The following MAPKBP1 variants were observed in gnomAD, a reference collection of about 807,000 sequenced individuals.
MAPKBP1 encodes mitogen-activated protein kinase binding protein 1.
MAPKBP1 carries 71 observed loss-of-function variants against 170.5 expected under a neutral mutation model. That is an observed-to-expected ratio of 0.42 (90% CI 0.34 to 0.51). The LOEUF (loss-of-function observed/expected upper bound fraction) is 0.51. MAPKBP1 is among the 20% of genes least tolerant of loss of function. MAPKBP1 has a pLI of 0.06. For missense variants in MAPKBP1, 1,598 were observed against 1,933.0 expected (o/e 0.83, Z 3.25); for synonymous variants, 719 against 757.9 (o/e 0.95, Z 0.84).
Position 41,815,389 on chromosome 15 carries a change from G to A in MAPKBP1, c.1301G>A (p.Arg434Gln), listed in dbSNP as rs1046428790. The A allele has an allele frequency of 6.8e-6, 11 of 1,614,066 alleles. No individual in the cohort carries two copies. The highest frequency in any genetic ancestry group is 6.7e-5 in the Admixed American group (4 of 60,006). Residue 434 changes from arginine to glutamine, a missense_variant, in exon 11 of 31, where the codon CGA becomes CAA. Arg to Gln is a conservative substitution (Grantham distance 43). Transcript: ENST00000457542. ...GGGGTGCATGGCTCCACCCTCCACCGAAACATCCTCAGCAGTGTGAGCCCT... is the reference window on the plus strand; with the variant it reads ...GGGGTGCATGGCTCCACCCTCCACCAAAACATCCTCAGCAGTGTGAGCCCT... ...SSGVHGSTLH[R>Q]NILSSDLIKI...
chr15:41,775,949 T>C (rs1457627578), intron 2 of MAPKBP1, among the ~76,000 whole-genome samples: 1 of 152,256 alleles, frequency 6.6e-6, no homozygotes, highest in Non-Finnish European at 1.5e-5. Context: ...AAGCCAGATA[T>C]CTGTCAGCAA....
rs746650946 is a variant in MAPKBP1, at chr15:41,817,710, A to G, written c.1879A>G (p.Ile627Val). The change falls in exon 16 of 31, where the codon ATC becomes GTC. Residue 627 changes from isoleucine (I) to valine (V), a missense_variant. Transcript: ENST00000457542. The surrounding 1 kb of genome is among the most constrained non-coding windows in gnomAD (Gnocchi z 4.2). ...DVEPSWKYTA[I>V]GCQDRNIRIF... ...GGAGCCCAGCTGGAAGTACACGGCT[A>G]TCGGCTGCCAGGACCGAAATATTCG... 54 of 1,613,960 alleles carry G rather than the reference A, an allele frequency of 3.3e-5. 1 individual carries two copies. Among genetic ancestry groups the G allele is most frequent in the South Asian group, 9.9e-5 (9 of 91,080 alleles).
Position 41,816,550 on chromosome 15 carries a change from T to C in MAPKBP1, c.1494-9T>C. 3.1e-6 allele frequency: 5 copies of C among 1,611,226 alleles called. No homozygotes were observed. The highest frequency in any genetic ancestry group is 3.4e-6 in the Non-Finnish European group (4 of 1,177,406). ...CATGGCCTCTTCCCACCTCTCCTCATCTTTGCAGGGTGCACGAACTTCAGT... is the reference window on the plus strand; with the variant it reads ...CATGGCCTCTTCCCACCTCTCCTCACCTTTGCAGGGTGCACGAACTTCAGT... On this transcript the variant is annotated splice_polypyrimidine_tract_variant and intron_variant, in intron 12 of 30. Coordinates refer to ENST00000457542, the MANE Select transcript of MAPKBP1 (RefSeq NM_014994.3).
chr15:41,813,199 A>G, intron 8 of MAPKBP1, 98 bp downstream of exon 8: 3 of 1,531,418 alleles, frequency 2.0e-6, no homozygotes, highest in Middle Eastern at 1.7e-4. Context: ...TCCCTTGTGC[A>G]TACGGGAGAT....
intron 10 of MAPKBP1, 38 bp downstream of exon 10, chr15:41,814,777 T>C: frequency 3.7e-6 from 6 of 1,606,892 alleles, no homozygotes; most frequent in Non-Finnish European, 5.1e-6. Flanking sequence ...ACTGGCCAGG[T>C]TGGCTGGGAT....
At position 41,825,323 on chromosome 15, in the gene MAPKBP1, A is replaced by C. The variant is rs1445098177; in HGVS notation, c.4414A>C (p.Ser1472Arg). The C allele has an allele frequency of 1.9e-6, 3 of 1,613,270 alleles. No individual in the cohort carries two copies. In the African/African-American group the frequency reaches 4.0e-5, roughly 21 times the overall value. ...LEAVAGAVLS[S>R]PGSSPGAVGA... ...AGCTGTGGCTGGGGCAGTGCTGTCC[A>C]GCCCAGGCAGCAGCCCTGGGGCTGT... Residue 1472 changes from serine (S) to arginine (R), a missense_variant, in exon 31 of 31, where the codon AGC becomes CGC. Physicochemically the swap from Ser to Arg is moderately radical, Grantham distance 110. This residue lies in a region of MAPKBP1 where 942 missense variants were observed against 953.2 expected (regional missense o/e 0.99). Transcript: ENST00000457542.
At chr15:41,783,775 C>A (rs1596063204) in intron 2 of MAPKBP1, among the ~76,000 whole-genome samples, 1 of 152,026 alleles carries the variant, frequency 6.6e-6, no homozygotes, top group African/African-American at 2.4e-5. Context: ...TTTGGGAGGC[C>A]GAGGCGGGTG....
chr15:41,822,338 C>G lies in MAPKBP1; in HGVS notation c.3145C>G (p.Leu1049Val). Residue 1049 changes from leucine (L) to valine (V), a missense_variant, in exon 26 of 31, where the codon CTA becomes GTA. This residue lies in a region of MAPKBP1 where 942 missense variants were observed against 953.2 expected (regional missense o/e 0.99). Transcript: ENST00000457542. ...GGAGGGAGGCATGGGCCCCTATGGGCTACAGGAGGGCAGCCCCCAGACTCC... is the reference window on the plus strand; with the variant it reads ...GGAGGGAGGCATGGGCCCCTATGGGGTACAGGAGGGCAGCCCCCAGACTCC... ...EEEGGMGPYGLQEGSPQTPDQ... is the reference protein window; with the variant it reads ...EEEGGMGPYGVQEGSPQTPDQ... 6.2e-7 allele frequency: 1 copy of G among 1,614,074 alleles called. No individual in the cohort carries two copies. The highest frequency in any genetic ancestry group is 8.5e-7 in the Non-Finnish European group (1 of 1,180,006).
Position 41,817,706 on chromosome 15 carries a change from G to A in MAPKBP1, c.1875G>A (p.Thr625=), listed in dbSNP as rs775194658. Residue 625 remains threonine (T), a synonymous_variant, in exon 16 of 31, where the codon ACG becomes ACA. Transcript: ENST00000457542. This position sits in a 1 kb window ranked among gnomAD's most constrained non-coding sequence, Gnocchi z 4.2. Reference sequence around the variant, plus strand: ...ATGTGGAGCCCAGCTGGAAGTACACGGCTATCGGCTGCCAGGACCGAAATA... The same window carrying A: ...ATGTGGAGCCCAGCTGGAAGTACACAGCTATCGGCTGCCAGGACCGAAATA... ...DMDVEPSWKY[T]AIGCQDRNIR... is the part of the protein sequence containing the mutation. 30 of 1,613,988 alleles carry A rather than the reference G, an allele frequency of 1.9e-5. No homozygotes were observed. The highest frequency in any genetic ancestry group is 5.3e-5 in the African/African-American group (4 of 74,920).
At chr15:41,799,447 C>T (rs1596076491) in intron 2 of MAPKBP1, among the ~76,000 whole-genome samples, 1 of 152,164 alleles carries the variant, frequency 6.6e-6, no homozygotes, top group Admixed American at 6.5e-5. Context: ...GATCAGTGGC[C>T]TCACCCAAGT....
chr15:41,818,505 T>C lies in MAPKBP1; in HGVS notation c.2093-14T>C, dbSNP rs2064931279. The stretch of plus-strand genomic sequence containing the variant: ...TTAAGGTGGCTTATAGACCGTATTC[T>C]TTGTTCTTCACAGAGATTGTCACTG... On this transcript the variant is annotated splice_polypyrimidine_tract_variant and intron_variant, in intron 18 of 30. Coordinates refer to ENST00000457542, the MANE Select transcript of MAPKBP1 (RefSeq NM_014994.3). This position sits in a 1 kb window ranked among gnomAD's most constrained non-coding sequence, Gnocchi z 5.2. 1 of 1,610,632 alleles carries C rather than the reference T, an allele frequency of 6.2e-7. No individual in the cohort carries two copies. Among genetic ancestry groups the C allele is most frequent in the African/African-American group, 1.3e-5 (1 of 74,818 alleles).
At chr15:41,799,317 G>T (rs939444046) in intron 2 of MAPKBP1, among the ~76,000 whole-genome samples, 1 of 152,070 alleles carries the variant, frequency 6.6e-6, no homozygotes, top group Non-Finnish European at 1.5e-5. Context: ...CTGACAGAGG[G>T]GAAGAACATG....
Position 41,813,791 on chromosome 15 carries a change from G to T in MAPKBP1, c.980+10G>T, listed in dbSNP as rs772248732. On this transcript the variant is annotated intron_variant, in intron 9 of 30. Coordinates refer to ENST00000457542, the MANE Select transcript of MAPKBP1 (RefSeq NM_014994.3). ...GCGTCACCGAGGCCAGGTGAGCTATGTGGGCCCCCCTTCCTCCATTTGTAG... is the reference window on the plus strand; with the variant it reads ...GCGTCACCGAGGCCAGGTGAGCTATTTGGGCCCCCCTTCCTCCATTTGTAG... 1 of 1,573,846 alleles carries T rather than the reference G, an allele frequency of 6.4e-7. No individual in the cohort carries two copies. Among genetic ancestry groups the T allele is most frequent in the African/African-American group, 1.4e-5 (1 of 73,004 alleles).
At chr15:41,812,486 C>A (rs944712649) in intron 6 of MAPKBP1, 30 bp from the exon 7 acceptor site, 1 of 1,614,122 alleles carries the variant, frequency 6.2e-7, no homozygotes, top group Non-Finnish European at 8.5e-7. Context: ...AGAGACAGAG[C>A]CTTGATTCTT....
chr15:41,799,857 C>G lies in MAPKBP1; in HGVS notation c.149C>G (p.Ser50Cys). Residue 50 changes from serine to cysteine, a missense_variant, in exon 3 of 31, where the codon TCT becomes TGT. This residue lies in a region of MAPKBP1 where 151 missense variants were observed against 191.4 expected (regional missense o/e 0.79). Coordinates refer to ENST00000457542, the MANE Select transcript of MAPKBP1 (RefSeq NM_014994.3). Reference sequence around the variant, plus strand: ...GAGAAGGTGCTGGGAATTACAGTGTCTGGAGGCAGAGGACTTGCCTGTGAC... The same window carrying G: ...GAGAAGGTGCTGGGAATTACAGTGTGTGGAGGCAGAGGACTTGCCTGTGAC... ...TLEKVLGITV[S>C]GGRGLACDPR... 1 of 1,614,132 alleles carries G rather than the reference C, an allele frequency of 6.2e-7. No homozygotes were observed. Among genetic ancestry groups the G allele is most frequent in the Non-Finnish European group, 8.5e-7 (1 of 1,180,004 alleles).
intron 3 of MAPKBP1, among the ~76,000 whole-genome samples, chr15:41,802,205 G>A (rs1481914832): frequency 6.6e-6 from 1 of 152,206 alleles, no homozygotes; most frequent in African/African-American, 2.4e-5. Context: ...CACTTACCAT[G>A]AATGGAGTTT....
chr15:41,825,314 G>A lies in MAPKBP1; in HGVS notation c.4405G>A (p.Val1469Met). The change falls in exon 31 of 31, where the codon GTG (valine) becomes ATG (methionine). Residue 1469 changes from valine (V) to methionine (M), a missense_variant. By Grantham distance (21) the Val-to-Met change is conservative. Coordinates refer to ENST00000457542, the MANE Select transcript of MAPKBP1 (RefSeq NM_014994.3). ...RQELEAVAGAVLSSPGSSPGA... is the reference protein window; with the variant it reads ...RQELEAVAGAMLSSPGSSPGA... ...GGAGCTGGAAGCTGTGGCTGGGGCAGTGCTGTCCAGCCCAGGCAGCAGCCC... is the reference window on the plus strand; with the variant it reads ...GGAGCTGGAAGCTGTGGCTGGGGCAATGCTGTCCAGCCCAGGCAGCAGCCC... The A allele has an allele frequency of 6.2e-7, 1 of 1,613,326 alleles. No homozygotes were observed. Among genetic ancestry groups the A allele is most frequent in the East Asian group, 2.2e-5 (1 of 44,884 alleles).
chr15:41,806,138 C>G (rs887753006), intron 3 of MAPKBP1, among the ~76,000 whole-genome samples: 1 of 152,312 alleles, frequency 6.6e-6, no homozygotes. Context: ...ACCAAAAATA[C>G]CATCCTCACA....
At chr15:41,810,699 C>CA in intron 3 of MAPKBP1, 184 bp from the exon 4 acceptor site, 1 of 540,994 alleles carries the variant, frequency 1.8e-6, no homozygotes, top group East Asian at 3.0e-5. Flanking sequence ...GCTGGGATGA[C>CA]AGAGTAAGAT....
Sources: gnomAD v4.1 joint callset for allele counts (sites outside exome capture counted in the v4.1 genomes callset) on GRCh38, gnomAD v4.1.1 for gene constraint, gnomAD v4.1.1 regional missense constraint, Gnocchi (gnomAD v3.1) non-coding constraint, MANE v1.5 for transcripts, NCBI Gene and HGNC (gene_info 2026-07-23, HGNC 2026-07-21) for gene names.